The following USP42 variants were observed in gnomAD, a reference collection of about 807,000 sequenced individuals.
USP42 encodes the protein ubiquitin carboxyl-terminal hydrolase 42.
In USP42, 23 loss-of-function variants were observed where a neutral mutation model predicts 113.0. That is an observed-to-expected ratio of 0.20 (90% CI 0.15 to 0.29). USP42 has a LOEUF of 0.29. Ranked by LOEUF, USP42 falls within the 10% of genes least tolerant of loss-of-function variation. The pLI is 1.00. For synonymous variants in USP42, 933 were observed against 699.0 expected (o/e 1.33, Z -5.28); for missense variants, 2,174 against 1,779.8 (o/e 1.22, Z -3.99).
intron 6 of USP42, among the ~76,000 whole-genome samples, chr7:6,140,662 T>G (rs555798637): frequency 6.6e-6 from 1 of 152,342 alleles, no homozygotes; most frequent in African/African-American, 2.4e-5. Context: ...TTGTAAATTT[T>G]AATTCTGTCA....
At chr7:6,151,819 A>G (rs993039977) in intron 14 of USP42, among the ~76,000 whole-genome samples, 1 of 152,044 alleles carries the variant, frequency 6.6e-6, no homozygotes, top group African/African-American at 2.4e-5. Context: ...CTGGCAGTGC[A>G]GTGGGTTTGT....
At chr7:6,146,333 GT>G (rs200232891) in intron 11 of USP42, 85 bp downstream of exon 11, 7,325 of 652,738 alleles carry the variant, frequency 0.011, 4 homozygotes, top group Non-Finnish European at 0.013. Context: ...AATATTCAGT[GT>G]TTTAAAAAAA....
At chr7:6,115,183 C>T (rs1182729908) in intron 2 of USP42, 140 bp from the exon 3 acceptor site, 3 of 761,548 alleles carry the variant, frequency 3.9e-6, no homozygotes, top group East Asian at 2.6e-5. Flanking sequence ...TTTAAAATGT[C>T]CCTCTTCCCC....
chr7:6,083,226 A>G, the USP42 span, among the ~76,000 whole-genome samples: 1 of 4,652 alleles, frequency 2.1e-4, no homozygotes, highest in Admixed American at 2.2e-3. Flanking sequence ...CACCCAGCTT[A>G]TTTATTTATT....
At chr7:6,091,031 C>G in the USP42 span, among the ~76,000 whole-genome samples, 1 of 150,286 alleles carries the variant, frequency 6.7e-6, no homozygotes, top group Non-Finnish European at 1.5e-5. Flanking sequence ...AGTTATAAAC[C>G]CCCTTGCAGC....
Position 6,154,434 on chromosome 7 carries a change from G to T in USP42, c.2880G>T (p.Ser960=). The T allele has an allele frequency of 1.3e-6, 2 of 1,570,602 alleles. No homozygotes were observed. Among genetic ancestry groups the T allele is most frequent in the Non-Finnish European group, 8.6e-7 (1 of 1,159,530 alleles). The change falls in exon 15 of 18, where the codon TCG becomes TCT. Residue 960 remains serine (S), a synonymous_variant. Transcript: ENST00000306177. The stretch of plus-strand genomic sequence containing the variant: ...ACTACCGCAGCCGGAGAGAGCGCTC[G>T]TCCAGCGGGGAGCCCGCCAGAGAGA... ...RGHYRSRRER[S]SSGEPARESR... is the part of the protein sequence containing the mutation.
At chr7:6,085,493 C>T in the USP42 span, among the ~76,000 whole-genome samples, 7 of 149,744 alleles carry the variant, frequency 4.7e-5, no homozygotes, top group East Asian at 1.4e-3. Context: ...TAGTGTTGCA[C>T]ATAATTAGTG....
At chr7:6,149,114 T>A (rs1387276891) in intron 12 of USP42, among the ~76,000 whole-genome samples, 1 of 152,094 alleles carries the variant, frequency 6.6e-6, no homozygotes, top group Non-Finnish European at 1.5e-5. Flanking sequence ...GTGGAGACGT[T>A]GTGGGGCAGT....
chr7:6,105,626 T>A (rs749451518), intron 1 of USP42, among the ~76,000 whole-genome samples: 57 of 151,628 alleles, frequency 3.8e-4, no homozygotes, highest in Non-Finnish European at 6.8e-4. Context: ...CCGTGGAGAG[T>A]CCGAGGTGCC....
chr7:6,083,830 G>C, the USP42 span, among the ~76,000 whole-genome samples: 1 of 150,498 alleles, frequency 6.6e-6, no homozygotes, highest in Non-Finnish European at 1.5e-5. Flanking sequence ...TGCATATTCA[G>C]AGCTGTTCGG....
At chr7:6,128,515 T>C (rs949054631) in intron 3 of USP42, among the ~76,000 whole-genome samples, 1 of 152,168 alleles carries the variant, frequency 6.6e-6, no homozygotes, top group Non-Finnish European at 1.5e-5. Context: ...GTCATTACAT[T>C]TGAAGTGAGT....
intron 4 of USP42, 109 bp downstream of exon 4, chr7:6,136,060 A>G: frequency 1.5e-6 from 1 of 658,228 alleles, no homozygotes; most frequent in Non-Finnish European, 2.4e-6. Flanking sequence ...GCTGGAATGT[A>G]GTGGCGCTAT....
intron 3 of USP42, among the ~76,000 whole-genome samples, chr7:6,126,904 G>A (rs1022182092): frequency 6.6e-6 from 1 of 152,202 alleles, no homozygotes; most frequent in African/African-American, 2.4e-5. Flanking sequence ...CAAATGCTGG[G>A]TTATATGGTA....
chr7:6,141,196 C>CTTTTTTTTT (rs199589142), intron 7 of USP42, among the ~76,000 whole-genome samples: 11 of 131,870 alleles, frequency 8.3e-5, no homozygotes, highest in Non-Finnish European at 1.3e-4. Context: ...TTTTCTTTTT[C>CTTTTTTTTT]TTTTCTTTTT....
At chr7:6,093,500 C>T in the USP42 span, among the ~76,000 whole-genome samples, 1 of 150,796 alleles carries the variant, frequency 6.6e-6, no homozygotes, top group South Asian at 2.1e-4. Flanking sequence ...CCAGGCTGGT[C>T]TCGAACTCCT....
chr7:6,108,432 AT>A (rs1562798032), intron 1 of USP42, among the ~76,000 whole-genome samples: 1 of 152,096 alleles, frequency 6.6e-6, no homozygotes, highest in Non-Finnish European at 1.5e-5. Flanking sequence ...GTACATGGGT[AT>A]TTTATTATCC....
intron 7 of USP42, among the ~76,000 whole-genome samples, chr7:6,142,221 CT>C (rs200372288): frequency 2.3e-3 from 322 of 141,432 alleles, no homozygotes; most frequent in East Asian, 0.012. Flanking sequence ...TTTCTTTTTT[CT>C]TTTTTTTTTT....
chr7:6,154,123 CCGGCTCCG>C lies in USP42; in HGVS notation c.2571_2578del (p.Ala858CysfsTer57). On this transcript the variant is annotated frameshift_variant, in exon 15 of 18. Transcript: ENST00000306177. LOFTEE classifies it high-confidence loss of function. ...GGCGGAAGCCCCGGAAGGGTTGAGT[CCGGCTCCG>C]CCTGCGCGGTCGGAGGAGCCCTGCG... The C allele has an allele frequency of 6.2e-7, 1 of 1,600,034 alleles. No homozygotes were observed. The highest frequency in any genetic ancestry group is 1.7e-5 in the Admixed American group (1 of 59,670).
In USP42 at chr7:6,158,628, G is replaced by A. The variant is rs1361316788; in HGVS notation, c.3944-822G>A. On this transcript the variant is annotated intron_variant, in intron 16 of 17. Coordinates refer to ENST00000306177, the MANE Select transcript of USP42 (RefSeq NM_032172.3). This position sits in a 1 kb window ranked among gnomAD's most constrained non-coding sequence, Gnocchi z 4.2. ...GAGTGCTGGGGAAACAGCCGGAGAT[G>A]AGGACAGGCACCAGCACTGCCGGTG... Among the ~76,000 whole-genome samples, 1 of 152,256 alleles carries A rather than the reference G, an allele frequency of 6.6e-6. No individual in the cohort carries two copies. The highest frequency in any genetic ancestry group is 1.5e-5 in the Non-Finnish European group (1 of 68,042).
Sources: allele counts gnomAD v4.1 joint callset (sites outside exome capture counted in the v4.1 genomes callset), GRCh38; gene constraint gnomAD v4.1.1; non-coding constraint Gnocchi (gnomAD v3.1); transcripts MANE v1.5; gene names NCBI Gene and HGNC (gene_info 2026-07-23, HGNC 2026-07-21).